Variants in METTL15 observed in about 807,000 individuals in gnomAD.
METTL15 encodes 12S rRNA N(4)-cytidine methyltransferase METTL15.
METTL15 carries 34 observed loss-of-function variants against 38.3 expected under a neutral mutation model. The ratio of observed to expected loss-of-function variants is 0.89; its 90% CI spans 0.68 to 1.18. The LOEUF is 1.18. METTL15 is among the 50% of genes most tolerant of loss of function. The pLI is 0.00. For synonymous variants in METTL15, 162 were observed against 170.9 expected, an observed-to-expected ratio of 0.95 and a Z score of 0.41; for missense variants, 438 against 498.4, an observed-to-expected ratio of 0.88 and a Z score of 1.15.
intron 3 of METTL15, among the ~76,000 whole-genome samples, chr11:28,169,225 G>A (rs1850765212): frequency 6.6e-6 from 1 of 152,092 alleles, no homozygotes. Flanking sequence ...TATGAATTCT[G>A]TATTCAAAAA....
At chr11:28,109,991 T>A (rs1851649032) in intron 1 of METTL15, among the ~76,000 whole-genome samples, 175 bp from the exon 2 acceptor site, 1 of 152,262 alleles carries the variant, frequency 6.6e-6, no homozygotes, top group South Asian at 2.1e-4. Flanking sequence ...AATTGGAGTA[T>A]AACTGCTGTG....
At chr11:28,462,707 A>C (rs1851226479) in intron 6 of METTL15, among the ~76,000 whole-genome samples, 1 of 152,108 alleles carries the variant, frequency 6.6e-6, no homozygotes, top group South Asian at 2.1e-4. Context: ...TGAATGGTCC[A>C]ACTTGGATTC....
intron 3 of METTL15, among the ~76,000 whole-genome samples, chr11:28,136,166 TG>T (rs1243125469): frequency 6.6e-6 from 1 of 152,176 alleles, no homozygotes; most frequent in African/African-American, 2.4e-5. Context: ...CAAAGAAATT[TG>T]TTTATTTCTG....
chr11:28,375,331 C>G (rs1348000550), intron 5 of METTL15, among the ~76,000 whole-genome samples: 2 of 151,470 alleles, frequency 1.3e-5, no homozygotes, highest in African/African-American at 4.8e-5. Context: ...TTGATTATTG[C>G]CATAATTTCA....
At chr11:28,368,574 C>G (rs1447897218) in intron 5 of METTL15, among the ~76,000 whole-genome samples, 1 of 152,084 alleles carries the variant, frequency 6.6e-6, no homozygotes, top group Non-Finnish European at 1.5e-5. Context: ...TTAGTTGAAC[C>G]ATTGTGGAAG....
intron 4 of METTL15, among the ~76,000 whole-genome samples, chr11:28,239,700 C>T (rs892281875): frequency 6.6e-6 from 1 of 152,190 alleles, no homozygotes; most frequent in South Asian, 2.1e-4. Context: ...GTTTGCACCT[C>T]CAAGCCATTT....
intron 6 of METTL15, among the ~76,000 whole-genome samples, chr11:28,475,676 A>C (rs939135898): frequency 1.3e-5 from 2 of 152,218 alleles, no homozygotes; most frequent in African/African-American, 2.4e-5. Context: ...CCAAGGTTGC[A>C]GTTCTCTAGT....
At chr11:28,377,985 G>C (rs1394437737) in intron 5 of METTL15, among the ~76,000 whole-genome samples, 1 of 152,100 alleles carries the variant, frequency 6.6e-6, no homozygotes, top group Non-Finnish European at 1.5e-5. Context: ...AGGGGTCAGG[G>C]ACCCACTTGA....
In METTL15 at chr11:28,250,569, A is replaced by T. The variant is rs115822963; in HGVS notation, c.407+39371A>T. Reference sequence around the variant, plus strand: ...TTAGAAGTTACTCTCCTTTTTTTAAAAAAAAAAATGATGTTTTTCCTACAT... The same window carrying T: ...TTAGAAGTTACTCTCCTTTTTTTAATAAAAAAAATGATGTTTTTCCTACAT... On this transcript the variant is annotated intron_variant, in intron 4 of 6. Transcript: ENST00000407364. Among the ~76,000 whole-genome samples, 359 of 148,076 alleles carry T rather than the reference A, an allele frequency of 2.4e-3. 2 individuals are homozygous for T. Among genetic ancestry groups the T allele is most frequent in the Admixed American group, 5.3e-3 (79 of 14,970 alleles).
intron 4 of METTL15, among the ~76,000 whole-genome samples, chr11:28,279,821 C>A (rs550087862): frequency 6.6e-6 from 1 of 151,962 alleles, no homozygotes; most frequent in Non-Finnish European, 1.5e-5. Flanking sequence ...ATCGCTTGAA[C>A]CCGGGAGGCG....
At chr11:28,353,815 C>T (rs1219836966) in intron 4 of METTL15, among the ~76,000 whole-genome samples, 3 of 151,094 alleles carry the variant, frequency 2.0e-5, no homozygotes, top group Admixed American at 6.6e-5. Flanking sequence ...GTCCCAGCTA[C>T]TGGGGAGGCT....
At chr11:28,358,918 T>C (rs1198005379) in intron 4 of METTL15, among the ~76,000 whole-genome samples, 1 of 152,222 alleles carries the variant, frequency 6.6e-6, no homozygotes, top group Non-Finnish European at 1.5e-5. Flanking sequence ...AAATATTCTT[T>C]GTTGTTGTTG....
intron 3 of METTL15, chr11:28,122,089 A>G: frequency 8.9e-7 from 1 of 1,126,058 alleles, no homozygotes; most frequent in Non-Finnish European, 1.1e-6. Context: ...TGTAATGTGT[A>G]TTAACTCCAT....
intron 6 of METTL15, among the ~76,000 whole-genome samples, chr11:28,489,845 A>C (rs565832058): frequency 1.3e-5 from 2 of 152,292 alleles, no homozygotes; most frequent in African/African-American, 4.8e-5. Flanking sequence ...AAGCTGGCAC[A>C]CTGTAAGTGT....
chr11:28,358,559 G>T (rs1011855472), intron 4 of METTL15, among the ~76,000 whole-genome samples: 2 of 152,166 alleles, frequency 1.3e-5, no homozygotes, highest in East Asian at 3.9e-4. Context: ...CAGAGATCAG[G>T]ATTTTGAAAC....
At chr11:28,122,363 GTGTGTGTGTATATA>G (rs1447849736) in intron 3 of METTL15, among the ~76,000 whole-genome samples, 16 of 67,798 alleles carry the variant, frequency 2.4e-4, no homozygotes, top group African/African-American at 1.7e-3. Flanking sequence ...GTGTGTGTGT[GTGTGTGTGTATATA>G]TATATATATA....
At chr11:28,496,105 TCACA>T (rs1244435139) in intron 6 of METTL15, among the ~76,000 whole-genome samples, 2 of 152,232 alleles carry the variant, frequency 1.3e-5, no homozygotes, top group African/African-American at 4.8e-5. Context: ...TAATCTGTTC[TCACA>T]CTGCTAATAA....
At chr11:28,517,443 T>A (rs1851728803) in intron 6 of METTL15, 1 of 152,178 alleles carries the variant, frequency 6.6e-6, no homozygotes, top group East Asian at 1.9e-4. Context: ...GTTTTACCTA[T>A]AAAGAACTAA....
chr11:28,336,451 GAA>G (rs1043665823), downstream of METTL15, among the ~76,000 whole-genome samples: 8 of 152,130 alleles, frequency 5.3e-5, no homozygotes, highest in Non-Finnish European at 1.2e-4. Flanking sequence ...GCAGGACTAT[GAA>G]AGAGTTTTCT....
Sources: gnomAD v4.1 joint callset for allele counts (sites outside exome capture counted in the v4.1 genomes callset) on GRCh38, gnomAD v4.1.1 for gene constraint, MANE v1.5 for transcripts, NCBI Gene and HGNC (gene_info 2026-07-23, HGNC 2026-07-21) for gene names.